Variants in SCRIB observed in about 807,000 individuals in gnomAD.
SCRIB encodes scribble planar cell polarity protein.
In SCRIB, 72 loss-of-function variants were observed where a neutral mutation model predicts 170.0. That is an observed-to-expected ratio of 0.42 (90% CI 0.35 to 0.52). The LOEUF (loss-of-function observed/expected upper bound fraction) is 0.52, where lower values mean the gene tolerates loss of function less well. SCRIB is among the 20% of genes least tolerant of loss of function. SCRIB has a pLI of 0.02. For synonymous variants in SCRIB, 1,298 were observed against 1,044.3 expected (o/e 1.24, Z -4.68); for missense variants, 2,475 against 2,338.5 (o/e 1.06, Z -1.20).
rs1323591154 is a variant in SCRIB at position 143,791,824 on chromosome 8, C to T, written c.4695+52G>A. 73 of 1,500,544 alleles carry T rather than the reference C, an allele frequency of 4.9e-5. 1 individual carries two copies. The highest frequency in any genetic ancestry group is 6.0e-5 in the Non-Finnish European group (67 of 1,108,234). The allele number at this position is 1,500,544 out of a possible 1,614,324, so 93.0% of individuals were successfully genotyped here. The stretch of plus-strand genomic sequence containing the variant: ...CCACGGGGGTGGGGGCAGGCCAGAC[C>T]CCACCCCCATGCCTCGGGGGTGAAG... On this transcript the variant is annotated intron_variant, in intron 34 of 36. Transcript: ENST00000356994.
In SCRIB at chr8:143,804,832, G is replaced by C. The variant is rs782695050; in HGVS notation, c.2752-7C>G. 1.0e-5 allele frequency: 16 copies of C among 1,578,640 alleles called. No individual in the cohort carries two copies. In the Admixed American group the frequency reaches 2.9e-4, roughly 28 times the overall value. On this transcript the variant is annotated splice_polypyrimidine_tract_variant and splice_region_variant and intron_variant, in intron 20 of 36. Transcript: ENST00000356994. ...TCACGTCCACTCCATTAATCTGTGAGAGCGTGCCCGAATCAGGGAGGCCCA... is the reference window on the plus strand; with the variant it reads ...TCACGTCCACTCCATTAATCTGTGACAGCGTGCCCGAATCAGGGAGGCCCA...
intron 13 of SCRIB, 46 bp from the exon 14 acceptor site, chr8:143,809,764 C>G: frequency 1.3e-6 from 2 of 1,584,210 alleles, no homozygotes; most frequent in Non-Finnish European, 1.7e-6. Context: ...TCCCGACTCA[C>G]AGGCTGGCCA....
Position 143,792,644 on chromosome 8 carries a change from G to A in SCRIB, c.4178-9C>T, listed in dbSNP as rs781940034. The A allele has an allele frequency of 3.1e-6, 5 of 1,592,828 alleles. No individual in the cohort carries two copies. The highest frequency in any genetic ancestry group is 1.1e-5 in the South Asian group (1 of 89,780). On this transcript the variant is annotated splice_polypyrimidine_tract_variant and intron_variant, in intron 30 of 36. Transcript: ENST00000356994. ...CTGCTGTAGTTTTCTGGCTGCCGGAGGGCAGGGTGGGTCAGGCCAGACCAG... is the reference window on the plus strand; with the variant it reads ...CTGCTGTAGTTTTCTGGCTGCCGGAAGGCAGGGTGGGTCAGGCCAGACCAG...
At chr8:143,800,371 T>G (rs951436845) in intron 24 of SCRIB, among the ~76,000 whole-genome samples, 3 of 152,014 alleles carry the variant, frequency 2.0e-5, no homozygotes, top group African/African-American at 7.3e-5. Context: ...CAGTACAAGA[T>G]GAAAGTCCCT....
At position 143,815,491 on chromosome 8, in the gene SCRIB, G is replaced by A. The variant is rs1433949658; in HGVS notation, c.-119C>T. 4.0e-6 allele frequency: 4 copies of A among 1,000,712 alleles called. No individual in the cohort carries two copies. Among genetic ancestry groups the A allele is most frequent in the Middle Eastern group, 5.0e-4 (1 of 2,006 alleles). The allele number at this position is 1,000,712 out of a possible 1,614,324, so 62.0% of individuals were successfully genotyped here. A position where few individuals can be genotyped will look rare whatever the true frequency, so the allele number is the denominator to read the frequency against. On this transcript the variant is annotated 5_prime_UTR_variant, in exon 1 of 37. Transcript: ENST00000356994. ...AGGGGGCGCAGGCAGGGGGCGGGCC[G>A]CCCGAGACTGGACGGGGACGCGGCC... is the stretch of plus-strand genomic sequence containing the variant.
At position 143,791,208 on chromosome 8, in the gene SCRIB, G is replaced by A; in HGVS notation, c.4923C>T (p.Arg1641=). The part of the protein sequence containing the change: ...PEDVALCSSR[R]PVRPGRRGLG... The stretch of plus-strand genomic sequence containing the variant: ...GGCCACGGCGCCCAGGCCTTACGGG[G>A]CGGCGGCTGCTGCACAGTGCCACAT... The change falls in exon 37 of 37, where the codon CGC becomes CGT. Residue 1641 remains arginine (R), a synonymous_variant. Transcript: ENST00000356994. The A allele has an allele frequency of 2.1e-6, 3 of 1,448,692 alleles. No individual in the cohort carries two copies. The highest frequency in any genetic ancestry group is 2.7e-6 in the Non-Finnish European group (3 of 1,098,748). The allele number at this position is 1,448,692 out of a possible 1,614,324, so 89.7% of individuals were successfully genotyped here.
In SCRIB at chr8:143,811,258, C is replaced by T. The variant is rs774766554; in HGVS notation, c.994G>A (p.Gly332Arg). 182 of 1,611,606 alleles carry T rather than the reference C, an allele frequency of 1.1e-4. No homozygotes were observed. The highest frequency in any genetic ancestry group is 1.4e-4 in the Non-Finnish European group (162 of 1,179,484). ...AGGACGCTGAGTGCCACACAGCCCC[C>T]GATCTCGGGCGGCAGCGCCTCGAGG... is the stretch of plus-strand genomic sequence containing the variant. ...NHLEALPPEI[G>R]GCVALSVLSL... is the part of the protein sequence containing the mutation. The change falls in exon 10 of 37, where the codon GGG (glycine) becomes AGG (arginine). Residue 332 changes from glycine (G) to arginine (R), a missense_variant. By Grantham distance (125) the Gly-to-Arg change is moderately radical. This residue lies in a region of SCRIB where 487 missense variants were observed against 558.1 expected (regional missense o/e 0.87). Coordinates refer to ENST00000356994, the MANE Select transcript of SCRIB (RefSeq NM_182706.5).
chr8:143,811,477 G>A (rs531242936), intron 9 of SCRIB, 132 bp from the exon 10 acceptor site: 21 of 763,244 alleles, frequency 2.8e-5, no homozygotes, highest in East Asian at 1.6e-4. Flanking sequence ...CCTGGAGACC[G>A]GGACAAGGAC....
chr8:143,808,562 G>T, intron 15 of SCRIB, 47 bp downstream of exon 15: 1 of 1,485,772 alleles, frequency 6.7e-7, no homozygotes, highest in South Asian at 1.5e-5. Flanking sequence ...GGGTGCCCAG[G>T]AGGGCCAGGG....
At position 143,792,364 on chromosome 8, in the gene SCRIB, G is replaced by A. The variant is rs1308070026; in HGVS notation, c.4370C>T (p.Pro1457Leu). Residue 1457 changes from proline (P) to leucine (L), a missense_variant, in exon 32 of 37, where the codon CCG (proline) becomes CTG (leucine). This residue lies in a region of SCRIB where 1,966 missense variants were observed against 1,742.9 expected (regional missense o/e 1.13). Coordinates refer to ENST00000356994, the MANE Select transcript of SCRIB (RefSeq NM_182706.5). ...ASPPPLGGGA[P>L]VRTAKAERRH... ...CCGTTCAGCTTTGGCCGTCCGCACCGGGGCGCCACCTCCCAGGGGTGGGGG... is the reference window on the plus strand; with the variant it reads ...CCGTTCAGCTTTGGCCGTCCGCACCAGGGCGCCACCTCCCAGGGGTGGGGG... 2.3e-5 allele frequency: 35 copies of A among 1,529,050 alleles called. No individual in the cohort carries two copies. Among genetic ancestry groups the A allele is most frequent in the Admixed American group, 1.6e-4 (8 of 50,002 alleles). 94.7% of individuals were successfully genotyped at this position (1,529,050 alleles called of 1,614,324 possible).
Position 143,791,286 on chromosome 8 carries a change from T to C in SCRIB, c.4845A>G (p.Glu1615=). ...GCCTGCCCAGAAGCACCAGAGCCACTTCTCCATCCTCCTCCTGCGGGCCTG... is the reference window on the plus strand; with the variant it reads ...GCCTGCCCAGAAGCACCAGAGCCACCTCTCCATCCTCCTCCTGCGGGCCTG... ...PSPGPQEEDG[E]VALVLLGRPS... The change falls in exon 37 of 37, where the codon GAA becomes GAG. Residue 1615 remains glutamate, a synonymous_variant. Transcript: ENST00000356994. The C allele has an allele frequency of 1.9e-6, 3 of 1,551,290 alleles. No individual in the cohort carries two copies. Among genetic ancestry groups the C allele is most frequent in the Admixed American group, 4.0e-5 (2 of 50,118 alleles).
At chr8:143,793,546 T>G in intron 28 of SCRIB, 1 of 332,772 alleles carries the variant, frequency 3.0e-6, no homozygotes, top group Non-Finnish European at 5.5e-6. Context: ...GGCAGTGTGT[T>G]GGGAGGTGCC....
intron 13 of SCRIB, 39 bp from the exon 14 acceptor site, chr8:143,809,757 C>T (rs745843962): frequency 1.8e-5 from 29 of 1,589,098 alleles, no homozygotes; most frequent in Middle Eastern, 1.7e-4. Flanking sequence ...ACGGAGCTCC[C>T]GACTCACAGG....
Position 143,791,029 on chromosome 8 carries a change from G to T in SCRIB, c.*134C>A, listed in dbSNP as rs2129972957. On this transcript the variant is annotated 3_prime_UTR_variant, in exon 37 of 37. Coordinates refer to ENST00000356994, the MANE Select transcript of SCRIB (RefSeq NM_182706.5). ...CCGAGGTCTCGGCTGGGGTGGGGCA[G>T]TTAGTTAGTCACAGGCCAGAACTCC... 1.1e-6 allele frequency: 1 copy of T among 937,132 alleles called. No individual in the cohort carries two copies. The highest frequency in any genetic ancestry group is 1.4e-6 in the Non-Finnish European group (1 of 705,262). The allele number at this position is 937,132 out of a possible 1,614,324, so 58.1% of individuals were successfully genotyped here. A position where few individuals can be genotyped will look rare whatever the true frequency, so the allele number is the denominator to read the frequency against.
At chr8:143,811,847 G>A (rs1368449735) in intron 9 of SCRIB, among the ~76,000 whole-genome samples, 2 of 152,168 alleles carry the variant, frequency 1.3e-5, no homozygotes, top group African/African-American at 4.8e-5. Flanking sequence ...TCCCAGCCTG[G>A]GGATGGGGAT....
intron 23 of SCRIB, 33 bp downstream of exon 23, chr8:143,803,614 G>A (rs782462467): frequency 2.6e-6 from 3 of 1,142,528 alleles, no homozygotes; most frequent in African/African-American, 1.5e-5. Flanking sequence ...TGGGGGGTGG[G>A]GCCCAGGGCG....
At chr8:143,797,075 C>T (rs183637076) in intron 24 of SCRIB, among the ~76,000 whole-genome samples, 18 of 152,250 alleles carry the variant, frequency 1.2e-4, no homozygotes, top group Admixed American at 2.0e-4. Flanking sequence ...AAGGATCCAG[C>T]GCTCCTGAGA....
Position 143,791,375 on chromosome 8 carries a change from C to T in SCRIB, c.4822+14G>A, listed in dbSNP as rs1554632586. 22 of 1,607,020 alleles carry T rather than the reference C, an allele frequency of 1.4e-5. No individual in the cohort carries two copies. The highest frequency in any genetic ancestry group is 1.7e-5 in the Non-Finnish European group (20 of 1,177,586). ...GGGCTCCTGGGAGCTCACCCCAGCC[C>T]GGCCCCAACTCACCAGGGCTGGGAG... is the stretch of plus-strand genomic sequence containing the variant. On this transcript the variant is annotated intron_variant, in intron 36 of 36. Transcript: ENST00000356994.
rs781346334 is a variant in SCRIB at position 143,812,866 on chromosome 8, A to G, written c.738T>C (p.Thr246=). The stretch of plus-strand genomic sequence containing the variant: ...GCAGGTTCTGGGACAGCAGCAGGTC[A>G]GTGAGCAGCACCAGCCCGCCGAGCT... ...PAELGGLVLL[T]DLLLSQNLLR... The change falls in exon 8 of 37, where the codon ACT becomes ACC. Residue 246 remains threonine (T), a synonymous_variant. Coordinates refer to ENST00000356994, the MANE Select transcript of SCRIB (RefSeq NM_182706.5). 5.0e-5 allele frequency: 80 copies of G among 1,607,408 alleles called. No homozygotes were observed. Among genetic ancestry groups the G allele is most frequent in the Non-Finnish European group, 8.5e-7 (1 of 1,179,866 alleles).
Sources: gnomAD v4.1 joint callset for allele counts (sites outside exome capture counted in the v4.1 genomes callset) on GRCh38, gnomAD v4.1.1 for gene constraint, gnomAD v4.1.1 regional missense constraint, MANE v1.5 for transcripts, NCBI Gene and HGNC (gene_info 2026-07-23, HGNC 2026-07-21) for gene names.